The following TF variants were observed in gnomAD, a reference collection of about 807,000 sequenced individuals.
TF encodes the protein transferrin, also known as serotransferrin.
In TF, 55 loss-of-function variants were observed where a neutral mutation model predicts 82.4. That is an observed-to-expected ratio of 0.67 (90% CI 0.54 to 0.84). The LOEUF (loss-of-function observed/expected upper bound fraction) is 0.84. Ranked by LOEUF, TF falls within the 40% of genes least tolerant of loss-of-function variation. The pLI is 0.00. For missense variants in TF, 737 were observed against 868.4 expected (o/e 0.85, Z 1.90); for synonymous variants, 332 against 332.6 (o/e 1.00, Z 0.02).
the TF span, among the ~76,000 whole-genome samples, chr3:133,675,242 CAAAAAAAA>C: frequency 5.4e-5 from 3 of 55,452 alleles, no homozygotes; most frequent in Non-Finnish European, 9.7e-5. Context: ...GAGACTCTGT[CAAAAAAAA>C]AAAAAAAAAA....
intron 9 of TF, among the ~76,000 whole-genome samples, chr3:133,763,663 G>A (rs927479445): frequency 4.6e-5 from 7 of 152,150 alleles, no homozygotes; most frequent in African/African-American, 1.7e-4. Context: ...TGAAATTTGG[G>A]GCTTACTAGA....
rs1212104449 is a variant in TF, at chr3:133,783,239, T to G, written c.*4619T>G. 5 of 152,182 alleles carry G rather than the reference T, an allele frequency of 3.3e-5. No individual in the cohort carries two copies. Among genetic ancestry groups the G allele is most frequent in the African/African-American group, 1.2e-4 (5 of 41,430 alleles). 9.4% of individuals were successfully genotyped at this position (152,182 alleles called of 1,614,324 possible). ...AAAAAATGAAATGTATAATGATGACTGGAAAGGGTGGTAGTCACATGGAAA... is the reference window on the plus strand; with the variant it reads ...AAAAAATGAAATGTATAATGATGACGGGAAAGGGTGGTAGTCACATGGAAA... On this transcript the variant is annotated 3_prime_UTR_variant, in exon 17 of 17. Transcript: ENST00000402696.
rs1342725711 is a variant in TF at position 133,796,613 on chromosome 3, T to G, written c.*17993T>G. On this transcript the variant is annotated 3_prime_UTR_variant, in exon 17 of 17. Transcript: ENST00000402696. ...CCACCCTGTGGAGTGTACTTTTGTT[T>G]TCAATAAACCTCTGCTTTTGTTGCT... 6.6e-6 allele frequency: 1 copy of G among 152,224 alleles called. No homozygotes were observed. Among genetic ancestry groups the G allele is most frequent in the African/African-American group, 2.4e-5 (1 of 41,458 alleles). The allele number at this position is 152,224 out of a possible 1,614,324, so 9.4% of individuals were successfully genotyped here. A position where few individuals can be genotyped will look rare whatever the true frequency, so the allele number is the denominator to read the frequency against.
chr3:133,706,681 C>T, the TF span, among the ~76,000 whole-genome samples: 3 of 152,166 alleles, frequency 2.0e-5, no homozygotes, highest in Admixed American at 2.0e-4. Context: ...TTTAGAGTTT[C>T]TTCTGAGGCA....
chr3:133,734,358 G>A, the TF span, among the ~76,000 whole-genome samples: 2 of 152,178 alleles, frequency 1.3e-5, no homozygotes, highest in East Asian at 3.8e-4. Flanking sequence ...TACAGGGAAG[G>A]TACAAAGTAG....
the TF span, among the ~76,000 whole-genome samples, chr3:133,677,503 G>A: frequency 1.3e-5 from 2 of 152,066 alleles, no homozygotes; most frequent in African/African-American, 2.4e-5. Context: ...CAGGCGTGGT[G>A]GTGGGCGCCT....
rs1434598966 is a variant in TF at position 133,784,356 on chromosome 3, C to T, written c.*5736C>T. 4 of 151,940 alleles carry T rather than the reference C, an allele frequency of 2.6e-5. No individual in the cohort carries two copies. The highest frequency in any genetic ancestry group is 2.6e-4 in the Admixed American group (4 of 15,254). 9.4% of individuals were successfully genotyped at this position (151,940 alleles called of 1,614,324 possible). ...ATGAAGAAGCTGCTCTCAACTTCCC[C>T]CCCAGCCTTTTAAAAGAAAACATTT... On this transcript the variant is annotated 3_prime_UTR_variant, in exon 17 of 17. Transcript: ENST00000402696.
the TF span, among the ~76,000 whole-genome samples, chr3:133,694,812 A>G: frequency 6.6e-6 from 1 of 152,108 alleles, no homozygotes; most frequent in Non-Finnish European, 1.5e-5. Context: ...AGGCTATCCA[A>G]AGTTATTAGT....
the TF span, chr3:133,662,265 A>G: frequency 6.6e-6 from 1 of 152,262 alleles, no homozygotes; most frequent in Non-Finnish European, 1.5e-5. Context: ...CATGCACGGG[A>G]AAAGGTATTA....
chr3:133,716,532 G>T, the TF span, among the ~76,000 whole-genome samples: 1 of 152,102 alleles, frequency 6.6e-6, no homozygotes, highest in Admixed American at 6.6e-5. Flanking sequence ...AAGGTATCCA[G>T]AATCGATCTC....
At chr3:133,730,321 T>A in the TF span, among the ~76,000 whole-genome samples, 1 of 152,178 alleles carries the variant, frequency 6.6e-6, no homozygotes, top group Non-Finnish European at 1.5e-5. Context: ...GTTCTCTCCT[T>A]GAAGTTTTCC....
chr3:133,748,188 G>A (rs1933557922), intron 1 of TF: 3 of 602,998 alleles, frequency 5.0e-6, no homozygotes, highest in Non-Finnish European at 9.0e-6. Flanking sequence ...GCACCCCTCT[G>A]GCCAGCAGAG....
At chr3:133,770,473 C>CT (rs754872043) in intron 13 of TF, 35 bp from the exon 14 acceptor site, 375 of 1,583,024 alleles carry the variant, frequency 2.4e-4, no homozygotes, top group African/African-American at 3.4e-4. Context: ...CTCTGACCGC[C>CT]TTTTTTTTTC....
intron 2 of TF, among the ~76,000 whole-genome samples, chr3:133,752,520 A>T (rs896709619): frequency 6.6e-6 from 1 of 152,244 alleles, no homozygotes; most frequent in African/African-American, 2.4e-5. Context: ...TAAGTGTCTA[A>T]ATAAAAGATG....
At chr3:133,680,096 G>T in the TF span, among the ~76,000 whole-genome samples, 1 of 151,954 alleles carries the variant, frequency 6.6e-6, no homozygotes, top group African/African-American at 2.4e-5. Context: ...GGCCATTCCT[G>T]TATCCATATA....
Position 133,756,914 on chromosome 3 carries a change from G to A in TF, c.775G>A (p.Asp259Asn). 1 of 1,614,212 alleles carries A rather than the reference G, an allele frequency of 6.2e-7. No homozygotes were observed. Among genetic ancestry groups the A allele is most frequent in the Non-Finnish European group, 8.5e-7 (1 of 1,180,040 alleles). ...CCGGAAGCCGGTAGATGAATACAAGGACTGCCACTTGGCCCAGGTCCCTTC... is the reference window on the plus strand; with the variant it reads ...CCGGAAGCCGGTAGATGAATACAAGAACTGCCACTTGGCCCAGGTCCCTTC... The part of the protein sequence containing the change: ...NTRKPVDEYK[D>N]CHLAQVPSHT... The change falls in exon 7 of 17, where the codon GAC becomes AAC. Residue 259 changes from aspartate to asparagine, a missense_variant. Physicochemically the swap from Asp to Asn is conservative, Grantham distance 23. Coordinates refer to ENST00000402696, the MANE Select transcript of TF (RefSeq NM_001063.4).
At chr3:133,703,805 C>T in the TF span, among the ~76,000 whole-genome samples, 1 of 152,156 alleles carries the variant, frequency 6.6e-6, no homozygotes, top group Non-Finnish European at 1.5e-5. Flanking sequence ...TTGTGCCAGG[C>T]ACTGAGTACA....
the TF span, among the ~76,000 whole-genome samples, chr3:133,689,164 C>T: frequency 6.6e-6 from 1 of 151,808 alleles, no homozygotes; most frequent in South Asian, 2.1e-4. Context: ...CATCTCTAGC[C>T]ATTTAGAAAA....
the TF span, among the ~76,000 whole-genome samples, chr3:133,704,572 G>A: frequency 0.025 from 3,738 of 152,298 alleles, 153 homozygotes; most frequent in African/African-American, 0.085. Flanking sequence ...GTGATGTAGA[G>A]CTGGCACGGG....
Sources: allele counts gnomAD v4.1 joint callset (sites outside exome capture counted in the v4.1 genomes callset), GRCh38; gene constraint gnomAD v4.1.1; transcripts MANE v1.5; gene names NCBI Gene and HGNC (gene_info 2026-07-23, HGNC 2026-07-21).